The following PKP4 variants were observed in gnomAD, a reference collection of about 807,000 sequenced individuals.
The protein encoded by PKP4 is plakophilin-4.
Under a neutral mutation model 145.1 loss-of-function variants are expected in PKP4, and 90 were observed. That is an observed-to-expected ratio of 0.62 (90% CI 0.52 to 0.74). The LOEUF (loss-of-function observed/expected upper bound fraction) is 0.74, where lower values mean the gene tolerates loss of function less well. Among genes scored for constraint, PKP4 ranks in the 30% least tolerant of loss-of-function variants. PKP4 has a pLI of 0.00. For missense variants in PKP4, 1,340 were observed against 1,482.7 expected, an observed-to-expected ratio of 0.90 and a Z score of 1.58; for synonymous variants, 563 against 577.2, an observed-to-expected ratio of 0.98 and a Z score of 0.35.
chr2:158,649,737 G>C (rs2055176277), intron 11 of PKP4, among the ~76,000 whole-genome samples: 1 of 152,206 alleles, frequency 6.6e-6, no homozygotes, highest in African/African-American at 2.4e-5. Flanking sequence ...ATCAGTCAGA[G>C]TGGAACTTCT....
At chr2:158,568,379 T>G (rs1326334727) in intron 2 of PKP4, among the ~76,000 whole-genome samples, 1 of 152,086 alleles carries the variant, frequency 6.6e-6, no homozygotes. Flanking sequence ...CCCACCCCTC[T>G]GACTTTAAGA....
At chr2:158,471,505 T>G (rs781144277) in intron 1 of PKP4, among the ~76,000 whole-genome samples, 5 of 152,220 alleles carry the variant, frequency 3.3e-5, no homozygotes, top group Non-Finnish European at 7.3e-5. Context: ...AAAAAAAGCC[T>G]TCAAGTGCTG....
At chr2:158,467,960 G>A (rs553793739) in intron 1 of PKP4, among the ~76,000 whole-genome samples, 20 of 152,154 alleles carry the variant, frequency 1.3e-4, no homozygotes, top group Admixed American at 7.9e-4. Flanking sequence ...AGGTTGCTGC[G>A]TGTATCGATA....
At position 158,554,429 on chromosome 2, in the gene PKP4, A is replaced by ATTATT. The variant is rs1553573064; in HGVS notation, c.132+21115_132+21116insATTTT. On this transcript the variant is annotated intron_variant, in intron 2 of 21. Coordinates refer to ENST00000389759, the MANE Select transcript of PKP4 (RefSeq NM_003628.6). The stretch of plus-strand genomic sequence containing the variant: ...TCACTCAGAAATAATTATTATTATT[A>ATTATT]TTTTTTTTTTTTTTGAGACGGAGTC... 3.3e-3 allele frequency among the ~76,000 whole-genome samples: 466 copies of ATTATT among 141,170 alleles called. 4 individuals carry two copies. The highest frequency in any genetic ancestry group is 5.4e-3 in the Non-Finnish European group (351 of 65,292). 92.6% of individuals were successfully genotyped at this position (141,170 alleles called of 152,430 possible).
At chr2:158,529,840 T>G (rs552814621) in intron 1 of PKP4, among the ~76,000 whole-genome samples, 4 of 152,340 alleles carry the variant, frequency 2.6e-5, no homozygotes, top group South Asian at 4.1e-4. Flanking sequence ...ATTTTTTGTA[T>G]TTTAATTTTA....
chr2:158,647,519 A>G (rs981533314), intron 11 of PKP4, among the ~76,000 whole-genome samples: 8 of 152,190 alleles, frequency 5.3e-5, no homozygotes, highest in African/African-American at 1.9e-4. Context: ...TTTGCTTTAA[A>G]CACAATAACT....
intron 2 of PKP4, among the ~76,000 whole-genome samples, chr2:158,546,232 A>T (rs545564628): frequency 6.6e-6 from 1 of 152,180 alleles, no homozygotes; most frequent in African/African-American, 2.4e-5. Context: ...TTCTTTTGCC[A>T]TATGTTCTTT....
intron 2 of PKP4, among the ~76,000 whole-genome samples, chr2:158,562,202 A>G (rs1171014458): frequency 6.6e-6 from 1 of 152,198 alleles, no homozygotes; most frequent in Non-Finnish European, 1.5e-5. Flanking sequence ...TGGGACTTTA[A>G]AAAAATACAT....
At chr2:158,473,000 C>G (rs1691836008) in intron 1 of PKP4, among the ~76,000 whole-genome samples, 1 of 152,128 alleles carries the variant, frequency 6.6e-6, no homozygotes, top group Non-Finnish European at 1.5e-5. Flanking sequence ...GGGCAAAGGA[C>G]ATGAACAGAC....
intron 1 of PKP4, among the ~76,000 whole-genome samples, chr2:158,520,907 G>A (rs191585281): frequency 6.3e-4 from 96 of 152,276 alleles, no homozygotes; most frequent in African/African-American, 2.2e-3. Context: ...TTGTTTTATA[G>A]AGCTTTGGTT....
At chr2:158,550,214 G>A (rs1178011771) in intron 2 of PKP4, among the ~76,000 whole-genome samples, 1 of 102,742 alleles carries the variant, frequency 9.7e-6, no homozygotes, top group African/African-American at 2.7e-5. Context: ...GTGTATCAAA[G>A]TGGATTCATG....
intron 1 of PKP4, among the ~76,000 whole-genome samples, chr2:158,502,309 A>G (rs1231282169): frequency 6.6e-6 from 1 of 152,188 alleles, no homozygotes; most frequent in African/African-American, 2.4e-5. Flanking sequence ...CTTAGGGTCC[A>G]TAAGAATTCT....
At chr2:158,552,560 G>A (rs943467402) in intron 2 of PKP4, among the ~76,000 whole-genome samples, 2 of 139,256 alleles carry the variant, frequency 1.4e-5, no homozygotes, top group African/African-American at 2.6e-5. Context: ...GGTATTAAAG[G>A]TGGTTCTGGT....
chr2:158,642,141 C>G (rs564218513), intron 10 of PKP4, among the ~76,000 whole-genome samples: 1 of 152,280 alleles, frequency 6.6e-6, no homozygotes, highest in African/African-American at 2.4e-5. Context: ...TGTGCCTCAG[C>G]CTTCCAAGTA....
Position 158,675,320 on chromosome 2 carries a change from AT to A in PKP4, c.3127+1332del, listed in dbSNP as rs57801142. On this transcript the variant is annotated intron_variant, in intron 19 of 21. Transcript: ENST00000389759. Reference sequence around the variant, plus strand: ...AAAACATTATGAGATTTTTTTGGTGATTTTTTTTTTTTAGTTCCTCAGTTAT... The same window carrying A: ...AAAACATTATGAGATTTTTTTGGTGATTTTTTTTTTTAGTTCCTCAGTTAT... Among the ~76,000 whole-genome samples the A allele has an allele frequency of 6.8e-3, 996 of 146,672 alleles. 6 individuals are homozygous for A. Among genetic ancestry groups the A allele is most frequent in the Middle Eastern group, 0.032 (9 of 282 alleles).
intron 2 of PKP4, among the ~76,000 whole-genome samples, chr2:158,548,126 G>A (rs577507301): frequency 1.3e-5 from 2 of 152,264 alleles, no homozygotes; most frequent in South Asian, 2.1e-4. Flanking sequence ...CTCTGTACAG[G>A]AAACAATTTT....
intron 1 of PKP4, among the ~76,000 whole-genome samples, chr2:158,491,258 T>C (rs1694893598): frequency 6.6e-6 from 1 of 152,108 alleles, no homozygotes. Flanking sequence ...ACAGTTTCTG[T>C]GGGAAATATG....
intron 1 of PKP4, among the ~76,000 whole-genome samples, chr2:158,487,267 TAAAAA>T (rs1016473336): frequency 6.6e-6 from 1 of 152,086 alleles, no homozygotes; most frequent in Non-Finnish European, 1.5e-5. Flanking sequence ...AGCCTTTTTT[TAAAAA>T]AAAGCACATT....
At chr2:158,666,675 C>G in intron 16 of PKP4, 112 bp downstream of exon 16, 2 of 872,292 alleles carry the variant, frequency 2.3e-6, no homozygotes, top group Non-Finnish European at 3.3e-6. Flanking sequence ...CAGCTGAGCC[C>G]TAGTCTCCAG....
Sources: gnomAD v4.1 joint callset for allele counts (sites outside exome capture counted in the v4.1 genomes callset) on GRCh38, gnomAD v4.1.1 for gene constraint, MANE v1.5 for transcripts, NCBI Gene and HGNC (gene_info 2026-07-23, HGNC 2026-07-21) for gene names.